Variants in TACC2 observed in about 807,000 individuals in gnomAD.
TACC2 encodes the protein transforming acidic coiled-coil-containing protein 2.
In TACC2, 137 loss-of-function variants were observed where a neutral mutation model predicts 227.3. The ratio of observed to expected loss-of-function variants is 0.60; its 90% CI spans 0.52 to 0.69. The LOEUF (loss-of-function observed/expected upper bound fraction) is 0.69, where lower values mean the gene tolerates loss of function less well. Among genes scored for constraint, TACC2 ranks in the 30% least tolerant of loss-of-function variants. The pLI is 0.00. For synonymous variants in TACC2, 1,523 were observed against 1,487.5 expected, an observed-to-expected ratio of 1.02 and a Z score of -0.55; for missense variants, 3,470 against 3,694.4, an observed-to-expected ratio of 0.94 and a Z score of 1.57.
intron 1 of TACC2, among the ~76,000 whole-genome samples, chr10:122,012,856 G>T (rs548838542): frequency 8.5e-5 from 13 of 152,102 alleles, no homozygotes; most frequent in Non-Finnish European, 1.5e-5. Context: ...CTGCAAACTC[G>T]GTTCTTTCAC....
At chr10:122,247,757 A>G (rs1589952708) in intron 19 of TACC2, 1 of 152,212 alleles carries the variant, frequency 6.6e-6, no homozygotes, top group South Asian at 2.1e-4. Context: ...CAGTGGGGGT[A>G]GAAGGGAGAC....
chr10:122,163,617 G>A (rs1339424728), intron 7 of TACC2: 15 of 1,018,806 alleles, frequency 1.5e-5, no homozygotes, highest in Non-Finnish European at 1.8e-5. Flanking sequence ...AGAGCCTTTC[G>A]GACCACACCG....
intron 1 of TACC2, among the ~76,000 whole-genome samples, chr10:122,012,418 C>CAAAAAAAAAAAAAAAAAAAAAA (rs752342348): frequency 6.1e-4 from 37 of 60,718 alleles, no homozygotes; most frequent in East Asian, 2.4e-3. Context: ...GACTCCGTCT[C>CAAAAAAAAAAAAAAAAAAAAAA]AAAAAAAAAA....
At chr10:122,213,060 G>A (rs904947640) in intron 9 of TACC2, among the ~76,000 whole-genome samples, 1 of 152,312 alleles carries the variant, frequency 6.6e-6, no homozygotes, top group African/African-American at 2.4e-5. Flanking sequence ...CAGGGGTCAG[G>A]GAAGTTTACC....
intron 22 of TACC2, among the ~76,000 whole-genome samples, chr10:122,252,330 T>C (rs1034572982): frequency 2.6e-5 from 4 of 152,106 alleles, no homozygotes; most frequent in African/African-American, 9.7e-5. Context: ...ATGAGGATAA[T>C]ACTGGCTTCC....
At chr10:122,224,643 G>A in intron 11 of TACC2, 83 bp from the exon 12 acceptor site, 1 of 1,255,108 alleles carries the variant, frequency 8.0e-7, no homozygotes, top group Non-Finnish European at 1.2e-6. Context: ...CACCCTGCCT[G>A]GCTCAGATCT....
chr10:122,128,386 G>C (rs2087292091), intron 5 of TACC2, among the ~76,000 whole-genome samples: 1 of 152,236 alleles, frequency 6.6e-6, no homozygotes, highest in Admixed American at 6.5e-5. Context: ...TCAGGGAAGT[G>C]TTTATGATTT....
chr10:122,236,421 A>G (rs1176146937), intron 16 of TACC2, among the ~76,000 whole-genome samples: 1 of 152,222 alleles, frequency 6.6e-6, no homozygotes, highest in Non-Finnish European at 1.5e-5. Context: ...TGACAGCGCC[A>G]CGAGGTTAAT....
chr10:122,076,952 TA>T (rs947995614), intron 3 of TACC2, among the ~76,000 whole-genome samples: 1 of 151,782 alleles, frequency 6.6e-6, no homozygotes, highest in Non-Finnish European at 1.5e-5. Context: ...CTATCTCTAC[TA>T]AAAATATGAA....
At chr10:122,081,021 A>G (rs2079415454) in intron 3 of TACC2, among the ~76,000 whole-genome samples, 1 of 152,252 alleles carries the variant, frequency 6.6e-6, no homozygotes, top group South Asian at 2.1e-4. Context: ...TCTTGTTAAT[A>G]GAATATATAT....
chr10:122,254,350 C>A lies in TACC2; in HGVS notation c.*294C>A. On this transcript the variant is annotated 3_prime_UTR_variant, in exon 23 of 23. Transcript: ENST00000369005. ...GACACATTGCTGACCTTGGCCTTGC[C>A]CTTTGTACACAAGTTCCCAGGGTGA... 1 of 427,772 alleles carries A rather than the reference C, an allele frequency of 2.3e-6. No individual in the cohort carries two copies. Among genetic ancestry groups the A allele is most frequent in the Non-Finnish European group, 4.3e-6 (1 of 231,662 alleles). 26.5% of individuals were successfully genotyped at this position (427,772 alleles called of 1,614,324 possible).
chr10:122,127,510 G>A (rs559349621), intron 5 of TACC2, among the ~76,000 whole-genome samples: 24 of 152,300 alleles, frequency 1.6e-4, no homozygotes, highest in African/African-American at 5.3e-4. Flanking sequence ...ACATTCCAGT[G>A]GCAAATCAAC....
chr10:122,121,796 C>T (rs2085858836), intron 5 of TACC2, among the ~76,000 whole-genome samples: 1 of 152,096 alleles, frequency 6.6e-6, no homozygotes, highest in Non-Finnish European at 1.5e-5. Context: ...AGGTCCCTGC[C>T]CTGTTGTTGG....
intron 5 of TACC2, among the ~76,000 whole-genome samples, chr10:122,094,719 C>A (rs2081197473): frequency 1.3e-5 from 2 of 152,324 alleles, no homozygotes; most frequent in Non-Finnish European, 1.5e-5. Context: ...CTCTCCAGAG[C>A]TTGGGAGCCT....
intron 3 of TACC2, among the ~76,000 whole-genome samples, chr10:122,066,831 A>G (rs2077442415): frequency 6.6e-6 from 1 of 152,144 alleles, no homozygotes; most frequent in African/African-American, 2.4e-5. Context: ...GGATTATTTT[A>G]TTAGCTACAA....
At chr10:122,156,293 G>A (rs887324655) in intron 7 of TACC2, among the ~76,000 whole-genome samples, 82 of 149,944 alleles carry the variant, frequency 5.5e-4, no homozygotes, top group Non-Finnish European at 1.0e-3. Flanking sequence ...GCGTGACTTC[G>A]GCTCACTGCA....
In TACC2 at chr10:122,132,728, C is replaced by T; in HGVS notation, c.5693C>T (p.Ala1898Val). Residue 1898 changes from alanine (A) to valine (V), a missense_variant, in exon 6 of 23, where the codon GCC (alanine) becomes GTC (valine). By Grantham distance (64) the Ala-to-Val change is moderately conservative. Coordinates refer to ENST00000369005, the MANE Select transcript of TACC2 (RefSeq NM_206862.4). ...VVGQVSTDLI[A>V]QSISPAAAHA... ...GGCCAGGTCTCTACGGATCTGATAGCCCAGAGGTACGGTGGGGGCCCTGGA... is the reference window on the plus strand; with the variant it reads ...GGCCAGGTCTCTACGGATCTGATAGTCCAGAGGTACGGTGGGGGCCCTGGA... The T allele has an allele frequency of 1.2e-6, 2 of 1,614,120 alleles. No homozygotes were observed. Among genetic ancestry groups the T allele is most frequent in the South Asian group, 1.1e-5 (1 of 91,074 alleles).
At chr10:122,163,455 C>T (rs902998783) in intron 7 of TACC2, 2 of 567,394 alleles carry the variant, frequency 3.5e-6, no homozygotes, top group South Asian at 7.6e-5. Context: ...CGGGAGGGGC[C>T]GGGGCAGAGG....
Position 122,086,011 on chromosome 10 carries a change from G to A in TACC2, c.3511G>A (p.Glu1171Lys). The A allele has an allele frequency of 6.2e-7, 1 of 1,613,948 alleles. No homozygotes were observed. Reference protein sequence around the residue: ...QTEHCLTSGEEASTSALRESC... With the variant: ...QTEHCLTSGEKASTSALRESC... ...TGAGCACTGCCTTACCTCCGGGGAG[G>A]AAGCTTCTACCTCTGCCCTACGTGA... Residue 1171 changes from glutamate to lysine, a missense_variant, in exon 4 of 23, where the codon GAA (glutamate) becomes AAA (lysine). Coordinates refer to ENST00000369005, the MANE Select transcript of TACC2 (RefSeq NM_206862.4).
Sources: allele counts gnomAD v4.1 joint callset (sites outside exome capture counted in the v4.1 genomes callset), GRCh38; gene constraint gnomAD v4.1.1; transcripts MANE v1.5; gene names NCBI Gene and HGNC (gene_info 2026-07-23, HGNC 2026-07-21).